FOXN3: variants seen among roughly 807,000 people sequenced by gnomAD.
FOXN3 encodes the protein forkhead box protein N3.
FOXN3 carries 7 observed loss-of-function variants against 38.4 expected under a neutral mutation model. The observed-to-expected ratio is 0.18, with a 90% CI of 0.10 to 0.34. The LOEUF (loss-of-function observed/expected upper bound fraction) is 0.34, where lower values mean the gene tolerates loss of function less well. Among genes scored for constraint, FOXN3 ranks in the 10% least tolerant of loss-of-function variants. The pLI is 1.00. For synonymous variants in FOXN3, 230 were observed against 242.2 expected (o/e 0.95, Z 0.47); for missense variants, 456 against 613.4 (o/e 0.74, Z 2.71).
intron 1 of FOXN3, among the ~76,000 whole-genome samples, chr14:89,562,404 C>T (rs1192657175): frequency 3.3e-5 from 5 of 152,058 alleles, no homozygotes; most frequent in Non-Finnish European, 7.4e-5. Flanking sequence ...GGATTACAGG[C>T]ATGCACCACC....
At chr14:89,531,768 A>G (rs1894575904) in intron 1 of FOXN3, among the ~76,000 whole-genome samples, 1 of 151,848 alleles carries the variant, frequency 6.6e-6, no homozygotes, top group African/African-American at 2.4e-5. Context: ...GGTTCTGGAC[A>G]ACACTTAGCA....
intron 1 of FOXN3, among the ~76,000 whole-genome samples, chr14:89,546,007 A>G (rs933280572): frequency 2.0e-5 from 3 of 152,232 alleles, no homozygotes; most frequent in East Asian, 1.9e-4. Flanking sequence ...TAAATGCTCA[A>G]TCAAGGTTAG....
At chr14:89,510,846 G>T (rs991298184) in intron 1 of FOXN3, among the ~76,000 whole-genome samples, 37 of 152,190 alleles carry the variant, frequency 2.4e-4, no homozygotes, top group Admixed American at 2.4e-3. Flanking sequence ...TAGTGGCTGA[G>T]GCATGAGAAT....
chr14:89,500,556 CAAGCTGACCTGTGAGATCAG>C (rs1027287490), intron 1 of FOXN3, among the ~76,000 whole-genome samples: 1 of 152,188 alleles, frequency 6.6e-6, no homozygotes, highest in Non-Finnish European at 1.5e-5. Context: ...GGCCAGAAGC[CAAGCTGACCTGTGAGATCAG>C]GACCATGCTG....
intron 3 of FOXN3, chr14:89,291,287 G>C: frequency 2.2e-6 from 1 of 461,244 alleles, no homozygotes; most frequent in Non-Finnish European, 4.2e-6. Context: ...TTCTGATTTG[G>C]GTTTCAGAAA....
intron 3 of FOXN3, among the ~76,000 whole-genome samples, chr14:89,322,674 C>A (rs1887930286): frequency 6.6e-6 from 1 of 152,092 alleles, no homozygotes; most frequent in Non-Finnish European, 1.5e-5. Flanking sequence ...ACTGTCAGGG[C>A]AAACAGATGT....
chr14:89,603,637 C>T (rs1283383208), intron 1 of FOXN3, among the ~76,000 whole-genome samples: 1 of 152,104 alleles, frequency 6.6e-6, no homozygotes, highest in East Asian at 1.9e-4. Flanking sequence ...AGAGTAAGTA[C>T]CTGTCCAATC....
intron 4 of FOXN3, among the ~76,000 whole-genome samples, chr14:89,241,865 G>A (rs1344525892): frequency 2.6e-5 from 4 of 152,140 alleles, no homozygotes; most frequent in Non-Finnish European, 4.4e-5. Flanking sequence ...TATCCCACTC[G>A]CAATGGGGGG....
intron 3 of FOXN3, among the ~76,000 whole-genome samples, chr14:89,347,010 C>G (rs1016454047): frequency 2.0e-5 from 3 of 151,948 alleles, no homozygotes; most frequent in South Asian, 4.2e-4. Flanking sequence ...CCCTGCCCCC[C>G]ACCCCACCAT....
At chr14:89,494,453 G>A (rs1893639353) in intron 1 of FOXN3, among the ~76,000 whole-genome samples, 1 of 152,194 alleles carries the variant, frequency 6.6e-6, no homozygotes, top group Non-Finnish European at 1.5e-5. Context: ...TAGCCTGCCG[G>A]CTGGGCTGTC....
At chr14:89,254,032 T>A (rs1375866171) in intron 4 of FOXN3, among the ~76,000 whole-genome samples, 1 of 152,132 alleles carries the variant, frequency 6.6e-6, no homozygotes, top group East Asian at 1.9e-4. Context: ...AGAGCACCAG[T>A]CTTGGAACGG....
chr14:89,348,284 C>T (rs1489078575), intron 3 of FOXN3, among the ~76,000 whole-genome samples: 2 of 152,250 alleles, frequency 1.3e-5, no homozygotes, highest in Non-Finnish European at 2.9e-5. Flanking sequence ...AGCCAGATCA[C>T]GTCAATTCGG....
chr14:89,478,915 G>C (rs1893266771), intron 1 of FOXN3, among the ~76,000 whole-genome samples: 2 of 81,900 alleles, frequency 2.4e-5, no homozygotes, highest in Non-Finnish European at 2.2e-5. Context: ...CTGGGTGAGA[G>C]AGCGAGACTC....
intron 2 of FOXN3, among the ~76,000 whole-genome samples, chr14:89,368,809 C>G (rs913539247): frequency 6.6e-6 from 1 of 152,148 alleles, no homozygotes; most frequent in Non-Finnish European, 1.5e-5. Flanking sequence ...ACCTGGGGCA[C>G]AGAACAGTCC....
intron 2 of FOXN3, among the ~76,000 whole-genome samples, chr14:89,410,965 C>T (rs1240167952): frequency 6.6e-6 from 1 of 152,134 alleles, no homozygotes; most frequent in Non-Finnish European, 1.5e-5. Flanking sequence ...CCATGAAGTA[C>T]AAACTATGGC....
intron 1 of FOXN3, among the ~76,000 whole-genome samples, chr14:89,568,203 T>C (rs1158013966): frequency 6.6e-6 from 1 of 152,172 alleles, no homozygotes; most frequent in Non-Finnish European, 1.5e-5. Flanking sequence ...GAAAGTTCTC[T>C]ACATCTTCAC....
At chr14:89,267,386 G>A (rs1003600823) in intron 4 of FOXN3, among the ~76,000 whole-genome samples, 1 of 152,184 alleles carries the variant, frequency 6.6e-6, no homozygotes, top group African/African-American at 2.4e-5. Flanking sequence ...GGAAAGACAG[G>A]GAAGCAGCTG....
chr14:89,466,026 T>G (rs564992936), intron 1 of FOXN3, among the ~76,000 whole-genome samples: 1 of 152,354 alleles, frequency 6.6e-6, no homozygotes, highest in East Asian at 1.9e-4. Flanking sequence ...ATCTACCAGC[T>G]GCCCCCCACA....
chr14:89,257,427 T>C (rs907457390), intron 4 of FOXN3, among the ~76,000 whole-genome samples: 3 of 152,214 alleles, frequency 2.0e-5, no homozygotes, highest in South Asian at 2.1e-4. Context: ...CTGAAGAAAG[T>C]AGTCGAATTA....
Sources: gnomAD v4.1 joint callset for allele counts (sites outside exome capture counted in the v4.1 genomes callset) on GRCh38, gnomAD v4.1.1 for gene constraint, MANE v1.5 for transcripts, NCBI Gene and HGNC (gene_info 2026-07-23, HGNC 2026-07-21) for gene names.